The following ITGAL variants were observed in gnomAD, a reference collection of about 807,000 sequenced individuals.
The protein encoded by ITGAL is integrin alpha-L.
In ITGAL, 68 loss-of-function variants were observed where a neutral mutation model predicts 138.4. The observed-to-expected ratio is 0.49, with a 90% CI of 0.40 to 0.60. ITGAL has a LOEUF of 0.60. ITGAL is among the 20% of genes least tolerant of loss of function. The pLI is 0.00. For missense variants in ITGAL, 1,256 were observed against 1,478.6 expected (o/e 0.85, Z 2.47); for synonymous variants, 561 against 584.3 (o/e 0.96, Z 0.57).
At chr16:30,480,306 C>T (rs1597066222) in intron 6 of ITGAL, among the ~76,000 whole-genome samples, 1 of 152,310 alleles carries the variant, frequency 6.6e-6, no homozygotes, top group Admixed American at 6.5e-5. Context: ...AGACTGGCTC[C>T]CTTAGCGCCT....
chr16:30,488,109 C>T (rs917099624), intron 9 of ITGAL, among the ~76,000 whole-genome samples: 2 of 151,538 alleles, frequency 1.3e-5, no homozygotes, highest in African/African-American at 4.8e-5. Context: ...GCAGGAGGAT[C>T]TCTTCAGCCT....
intron 2 of ITGAL, among the ~76,000 whole-genome samples, chr16:30,474,867 T>C (rs917790993): frequency 6.7e-6 from 1 of 149,294 alleles, no homozygotes; most frequent in Non-Finnish European, 1.5e-5. Context: ...TTTCTTTTTT[T>C]TTTTTTTGAG....
chr16:30,499,350 C>T lies in ITGAL; in HGVS notation c.2006C>T (p.Ala669Val). The T allele has an allele frequency of 6.2e-7, 1 of 1,614,096 alleles. No individual in the cohort carries two copies. ...LIPQFQGRLVANLTYTLQLDG... is the reference protein window; with the variant it reads ...LIPQFQGRLVVNLTYTLQLDG... ...CCGCCCTGCCCAGGCCGCCTGGTTG[C>T]CAATCTCACTTACACTCTGCAGCTG... Residue 669 changes from alanine to valine, a missense_variant, in exon 17 of 31, where the codon GCC becomes GTC. Physicochemically the swap from Ala to Val is moderately conservative, Grantham distance 64. Transcript: ENST00000356798.
At chr16:30,508,871 A>C (rs1336860830) in intron 21 of ITGAL, among the ~76,000 whole-genome samples, 1 of 151,760 alleles carries the variant, frequency 6.6e-6, no homozygotes, top group Non-Finnish European at 1.5e-5. Context: ...GAAAAACAAA[A>C]AACAAAAAAC....
At chr16:30,491,261 C>T (rs574936461) in intron 11 of ITGAL, among the ~76,000 whole-genome samples, 1 of 151,472 alleles carries the variant, frequency 6.6e-6, no homozygotes, top group South Asian at 2.1e-4. Flanking sequence ...ATTAGCCAGG[C>T]ATGGTGGCAT....
At position 30,504,302 on chromosome 16, in the gene ITGAL, A is replaced by G. The variant is rs747662493; in HGVS notation, c.2235+38A>G. The G allele has an allele frequency of 7.2e-5, 110 of 1,517,618 alleles. 4 individuals carry two copies. The South Asian group carries it at 1.2e-3, about 17-fold the overall frequency. The allele number at this position is 1,517,618 out of a possible 1,614,324, so 94.0% of individuals were successfully genotyped here. ...GGCTAGGGATGGTGGGGAGTTTATC[A>G]GAGAAATCCATTTGGCAAGAAGAGC... On this transcript the variant is annotated intron_variant, in intron 18 of 30. Coordinates refer to ENST00000356798, the MANE Select transcript of ITGAL (RefSeq NM_002209.3).
At position 30,495,907 on chromosome 16, in the gene ITGAL, G is replaced by A. The variant is rs142041591; in HGVS notation, c.1504-190G>A. Among the ~76,000 whole-genome samples the A allele has an allele frequency of 3.2e-3, 492 of 152,226 alleles. 3 individuals are homozygous for A. The highest frequency in any genetic ancestry group is 0.011 in the African/African-American group (453 of 41,552). On this transcript the variant is annotated intron_variant, in intron 13 of 30. Coordinates refer to ENST00000356798, the MANE Select transcript of ITGAL (RefSeq NM_002209.3). ...TAAATGGAAACCCCAAGCTCAGTAG[G>A]GGAAACCACAAGGTCACAGTAAGAG...
In ITGAL at chr16:30,521,950, G is replaced by T. The variant is rs1336570472; in HGVS notation, c.*285G>T. 1.1e-5 allele frequency: 4 copies of T among 380,208 alleles called. No homozygotes were observed. 23.6% of individuals were successfully genotyped at this position (380,208 alleles called of 1,614,324 possible). A position where few individuals can be genotyped will look rare whatever the true frequency, so the allele number is the denominator to read the frequency against. On this transcript the variant is annotated 3_prime_UTR_variant, in exon 31 of 31. Coordinates refer to ENST00000356798, the MANE Select transcript of ITGAL (RefSeq NM_002209.3). ...TTTCCTTCCTTGGAAGAGAATGTCT[G>T]ATCTAAATGTGGAGAAACTGTAGTC...
At chr16:30,499,723 A>ATGTG (rs1472099995) in intron 17 of ITGAL, among the ~76,000 whole-genome samples, 4,752 of 77,132 alleles carry the variant, frequency 0.062, 357 homozygotes, top group East Asian at 0.19. Flanking sequence ...GTATATATAT[A>ATGTG]TATATATATA....
rs767980055 is a variant in ITGAL, at chr16:30,504,179, G to A, written c.2150G>A (p.Cys717Tyr). Reference protein sequence around the residue: ...CTDFSFHFPVCVQDLISPINV... With the variant: ...CTDFSFHFPVYVQDLISPINV... ...CTGTATTCTTATCACCCTCAGGTAT[G>A]TGTTCAAGACCTCATCTCCCCCATC... Residue 717 changes from cysteine (C) to tyrosine (Y), a missense_variant, in exon 18 of 31, where the codon TGT becomes TAT. Cys to Tyr is a radical substitution (Grantham distance 194, BLOSUM62 -2). This residue lies in a region of ITGAL where 867 missense variants were observed against 972.5 expected (regional missense o/e 0.89). Coordinates refer to ENST00000356798, the MANE Select transcript of ITGAL (RefSeq NM_002209.3). The A allele has an allele frequency of 1.9e-6, 3 of 1,611,132 alleles. No individual in the cohort carries two copies. The highest frequency in any genetic ancestry group is 2.2e-5 in the East Asian group (1 of 44,864).
At position 30,494,193 on chromosome 16, in the gene ITGAL, C is replaced by T; in HGVS notation, c.1214-19C>T. 6.3e-7 allele frequency: 1 copy of T among 1,580,182 alleles called. No homozygotes were observed. Among genetic ancestry groups the T allele is most frequent in the South Asian group, 1.1e-5 (1 of 87,324 alleles). ...AGCATCCTGTGTTCCTAACTCCACA[C>T]CCCACACACTTTCCTCAGGTTACAC... is the stretch of plus-strand genomic sequence containing the variant. On this transcript the variant is annotated intron_variant, in intron 11 of 30. Transcript: ENST00000356798. This position sits in a 1 kb window ranked among gnomAD's most constrained non-coding sequence, Gnocchi z 4.2.
intron 9 of ITGAL, chr16:30,488,760 C>T: frequency 2.9e-6 from 1 of 344,634 alleles, no homozygotes; most frequent in African/African-American, 2.1e-5. Context: ...GCCTATAGTC[C>T]CCACTATCCA....
chr16:30,496,343 C>A lies in ITGAL; in HGVS notation c.1701+49C>A, dbSNP rs1475306932. 3 of 1,604,474 alleles carry A rather than the reference C, an allele frequency of 1.9e-6. No individual in the cohort carries two copies. The Admixed American group carries it at 5.0e-5, about 27-fold the overall frequency. ...ACACTCCATTCTCAGGTGCCCTAAGCCCCCAAGCCCAGACCCCACTCCCCA... is the reference window on the plus strand; with the variant it reads ...ACACTCCATTCTCAGGTGCCCTAAGACCCCAAGCCCAGACCCCACTCCCCA... On this transcript the variant is annotated intron_variant, in intron 14 of 30. Coordinates refer to ENST00000356798, the MANE Select transcript of ITGAL (RefSeq NM_002209.3).
At position 30,474,278 on chromosome 16, in the gene ITGAL, C is replaced by G. The variant is rs758411593; in HGVS notation, c.144C>G (p.Arg48=). The change falls in exon 2 of 31, where the codon CGC becomes CGG. Residue 48 remains arginine, a synonymous_variant. Coordinates refer to ENST00000356798, the MANE Select transcript of ITGAL (RefSeq NM_002209.3). The part of the protein sequence containing the change: ...PPRAGRHFGY[R]VLQVGNGVIV... The stretch of plus-strand genomic sequence containing the variant: ...GCGCCGGGAGGCACTTTGGATACCG[C>G]GTCCTGCAGGTCGGAAACGGGTGAG... 1 of 1,607,316 alleles carries G rather than the reference C, an allele frequency of 6.2e-7. No individual in the cohort carries two copies. Among genetic ancestry groups the G allele is most frequent in the South Asian group, 1.1e-5 (1 of 90,242 alleles).
intron 17 of ITGAL, among the ~76,000 whole-genome samples, chr16:30,501,636 A>C (rs2050900128): frequency 6.6e-6 from 1 of 151,982 alleles, no homozygotes; most frequent in African/African-American, 2.4e-5. Flanking sequence ...TCATCATGGT[A>C]TGTTGTTATT....
chr16:30,511,786 C>T (rs781098708), intron 24 of ITGAL, among the ~76,000 whole-genome samples: 2 of 152,172 alleles, frequency 1.3e-5, no homozygotes, highest in African/African-American at 4.8e-5. Flanking sequence ...CCATGGGGAT[C>T]GCTAGTTGGG....
intron 11 of ITGAL, among the ~76,000 whole-genome samples, chr16:30,492,619 C>T (rs1485894828): frequency 4.7e-5 from 7 of 148,584 alleles, no homozygotes; most frequent in Non-Finnish European, 1.0e-4. Flanking sequence ...TGCAGAGGCG[C>T]TATCTCAGCT....
intron 24 of ITGAL, among the ~76,000 whole-genome samples, chr16:30,513,076 T>G (rs1744718894): frequency 6.6e-6 from 1 of 151,868 alleles, no homozygotes; most frequent in Non-Finnish European, 1.5e-5. Flanking sequence ...TGAGTGTGGG[T>G]TGGGGGAGAA....
At chr16:30,516,883 C>A (rs541404515) in intron 25 of ITGAL, 90 bp from the exon 26 acceptor site, 13 of 891,914 alleles carry the variant, frequency 1.5e-5, no homozygotes, top group Non-Finnish European at 2.5e-5. Context: ...CCAATGAGGA[C>A]TGGAAGAGGC....
Sources: allele counts gnomAD v4.1 joint callset (sites outside exome capture counted in the v4.1 genomes callset), GRCh38; gene constraint gnomAD v4.1.1; regional missense constraint gnomAD v4.1.1; non-coding constraint Gnocchi (gnomAD v3.1); transcripts MANE v1.5; gene names NCBI Gene and HGNC (gene_info 2026-07-23, HGNC 2026-07-21).